Variants in ASCC3 observed in about 807,000 individuals in gnomAD.
ASCC3 encodes activating signal cointegrator 1 complex subunit 3, also known as ASC-1 complex subunit P200.
In ASCC3, 158 loss-of-function variants were observed where a neutral mutation model predicts 256.3. That is an observed-to-expected ratio of 0.62 (90% CI 0.54 to 0.70). The LOEUF (loss-of-function observed/expected upper bound fraction) is 0.70, where lower values mean the gene tolerates loss of function less well. ASCC3 is among the 30% of genes least tolerant of loss of function. ASCC3 has a pLI of 0.00. For synonymous variants in ASCC3, 948 were observed against 883.4 expected (o/e 1.07, Z -1.30); for missense variants, 2,259 against 2,626.0 (o/e 0.86, Z 3.05).
At chr6:100,664,233 T>C (rs1215065523) in intron 14 of ASCC3, among the ~76,000 whole-genome samples, 1 of 152,132 alleles carries the variant, frequency 6.6e-6, no homozygotes, top group Admixed American at 6.6e-5. Context: ...GAACAGTTTT[T>C]TCCCTACACT....
chr6:100,687,432 G>T (rs990725652), intron 13 of ASCC3, among the ~76,000 whole-genome samples: 8 of 152,034 alleles, frequency 5.3e-5, no homozygotes, highest in African/African-American at 1.9e-4. Flanking sequence ...CGTGATCTCA[G>T]CCCACTGCAA....
chr6:100,650,800 A>T lies in ASCC3; in HGVS notation c.3076-86T>A, dbSNP rs559399154. Reference sequence around the variant, plus strand: ...GAAATTAAATACATTGCATGTTTTTAAAGAGTTTCCATTTACTATAATGCA... The same window carrying T: ...GAAATTAAATACATTGCATGTTTTTTAAGAGTTTCCATTTACTATAATGCA... On this transcript the variant is annotated intron_variant, in intron 19 of 41. Coordinates refer to ENST00000369162, the MANE Select transcript of ASCC3 (RefSeq NM_006828.4). 2.0e-5 allele frequency: 22 copies of T among 1,079,806 alleles called. No individual in the cohort carries two copies. The East Asian group carries it at 5.2e-4, about 26-fold the overall frequency. 66.9% of individuals were successfully genotyped at this position (1,079,806 alleles called of 1,614,324 possible). A position where few individuals can be genotyped will look rare whatever the true frequency, so the allele number is the denominator to read the frequency against.
Position 100,798,755 on chromosome 6 carries a change from G to T in ASCC3, c.1353C>A (p.Leu451=). 1 of 1,613,056 alleles carries T rather than the reference G, an allele frequency of 6.2e-7. No individual in the cohort carries two copies. Among genetic ancestry groups the T allele is most frequent in the Non-Finnish European group, 8.5e-7 (1 of 1,179,514 alleles). ...TATAAACTGGCTTTTCCTCAAAGCT[G>T]AGTGGCATTGGTTCGCTGTAGGGAA... ...VRIPYSEPMP[L]SFEEKPVYIQ... is the part of the protein sequence containing the mutation. Residue 451 remains leucine, a synonymous_variant, in exon 8 of 42, where the codon CTC becomes CTA. Coordinates refer to ENST00000369162, the MANE Select transcript of ASCC3 (RefSeq NM_006828.4).
At chr6:100,641,442 T>C (rs1379082088) in intron 24 of ASCC3, among the ~76,000 whole-genome samples, 1 of 152,218 alleles carries the variant, frequency 6.6e-6, no homozygotes, top group Non-Finnish European at 1.5e-5. Flanking sequence ...ATTTCTCTGA[T>C]GGCCAGTGAT....
At chr6:100,857,777 C>G (rs1562348844) in intron 3 of ASCC3, 1 of 151,748 alleles carries the variant, frequency 6.6e-6, no homozygotes, top group Non-Finnish European at 1.5e-5. Context: ...AGAGTAAGTT[C>G]TCCCTTTTTA....
At chr6:100,801,969 C>T (rs144916804) in intron 5 of ASCC3, among the ~76,000 whole-genome samples, 3 of 147,560 alleles carry the variant, frequency 2.0e-5, no homozygotes, top group Non-Finnish European at 3.0e-5. Flanking sequence ...ATACTAGATG[C>T]TATGCTAAAG....
chr6:100,647,444 G>A lies in ASCC3; in HGVS notation c.3260C>T (p.Ala1087Val), dbSNP rs770519723. Residue 1087 changes from alanine to valine, a missense_variant, in exon 21 of 42, where the codon GCT (alanine) becomes GTT (valine). Ala to Val is a moderately conservative substitution (Grantham distance 64). Around this residue, in one of 2 missense-constraint regions of ASCC3, gnomAD observed 1,839 missense variants for 2,206.7 expected, o/e 0.83. Transcript: ENST00000369162. The stretch of plus-strand genomic sequence containing the variant: ...TTCAAAAAGAGCACGGACAATTCTA[G>A]CTGCATTCTAAAAAATTATAGGAGG... ...SDSAYVAQNAARIVRALFEIA... is the reference protein window; with the variant it reads ...SDSAYVAQNAVRIVRALFEIA... 1.2e-6 allele frequency: 2 copies of A among 1,613,454 alleles called. No homozygotes were observed. The highest frequency in any genetic ancestry group is 3.3e-5 in the Admixed American group (2 of 59,978).
chr6:100,810,528 C>A (rs1203219832), intron 4 of ASCC3, among the ~76,000 whole-genome samples: 1 of 152,042 alleles, frequency 6.6e-6, no homozygotes, highest in African/African-American at 2.4e-5. Context: ...AAATTTTTAA[C>A]CCTTAAATAA....
At chr6:100,754,969 T>C (rs775063169) in intron 10 of ASCC3, among the ~76,000 whole-genome samples, 19 of 152,144 alleles carry the variant, frequency 1.2e-4, no homozygotes, top group Non-Finnish European at 2.6e-4. Context: ...CTGTGAGGCC[T>C]CCACAGCCAT....
Position 100,799,428 on chromosome 6 carries a change from T to A in ASCC3, c.1269+3A>T, listed in dbSNP as rs376520680. 1.7e-5 allele frequency: 28 copies of A among 1,611,740 alleles called. No individual in the cohort carries two copies. In the African/African-American group the frequency reaches 3.6e-4, roughly 21 times the overall value. On this transcript the variant is annotated splice_donor_region_variant and intron_variant, in intron 7 of 41. Coordinates refer to ENST00000369162, the MANE Select transcript of ASCC3 (RefSeq NM_006828.4). ...GAACAGTAGTTATATAACAATGACA[T>A]ACCTTTGCACCAGCAATAAATGCTG... is the stretch of plus-strand genomic sequence containing the variant.
chr6:100,715,605 GC>G, intron 12 of ASCC3, 72 bp from the exon 13 acceptor site: 1 of 1,377,352 alleles, frequency 7.3e-7, no homozygotes, highest in Non-Finnish European at 1.0e-6. Context: ...ATAAAATTTT[GC>G]CAATTACAAT....
In ASCC3 at chr6:100,873,401, T is replaced by C. The variant is rs567243234; in HGVS notation, c.-41-5363A>G. 2.6e-5 allele frequency among the ~76,000 whole-genome samples: 4 copies of C among 152,184 alleles called. No individual in the cohort carries two copies. In the East Asian group the frequency reaches 5.8e-4, roughly 22 times the overall value. ...TATGTTAAATTACCAAACCTAAGAA[T>C]AGTCAGCGTTCCTGAGGAAGAAGAG... is the stretch of plus-strand genomic sequence containing the variant. On this transcript the variant is annotated intron_variant, in intron 1 of 41. Transcript: ENST00000369162.
At chr6:100,679,566 C>CG (rs1777186968) in intron 14 of ASCC3, 52 bp downstream of exon 14, 3 of 1,608,824 alleles carry the variant, frequency 1.9e-6, no homozygotes, top group Non-Finnish European at 2.5e-6. Flanking sequence ...ATAAAATACC[C>CG]GGGATATGTG....
chr6:100,688,738 C>T (rs1165545898), intron 13 of ASCC3, among the ~76,000 whole-genome samples: 3 of 152,134 alleles, frequency 2.0e-5, no homozygotes, highest in East Asian at 3.9e-4. Context: ...GGACATATAA[C>T]GGGCTCGCCT....
intron 1 of ASCC3, among the ~76,000 whole-genome samples, chr6:100,875,109 C>T (rs941878158): frequency 3.9e-5 from 6 of 152,068 alleles, no homozygotes; most frequent in African/African-American, 1.4e-4. Flanking sequence ...TCAAACAGGA[C>T]ACAGGCAAAC....
intron 8 of ASCC3, among the ~76,000 whole-genome samples, chr6:100,771,358 T>A (rs1300532390): frequency 6.6e-6 from 1 of 152,160 alleles, no homozygotes. Context: ...TCTTTGTGAA[T>A]GTGAGTTATG....
intron 22 of ASCC3, among the ~76,000 whole-genome samples, chr6:100,646,135 A>C (rs1211088839): frequency 6.6e-6 from 1 of 152,142 alleles, no homozygotes; most frequent in African/African-American, 2.4e-5. Flanking sequence ...AGAAAATAAA[A>C]GAAGATAGAA....
At chr6:100,767,421 T>C in intron 8 of ASCC3, 76 bp from the exon 9 acceptor site, 2 of 1,418,296 alleles carry the variant, frequency 1.4e-6, no homozygotes, top group Non-Finnish European at 2.0e-6. Context: ...GTGTTAACAT[T>C]TATTTCCTTT....
chr6:100,873,613 T>C (rs958840696), intron 1 of ASCC3, among the ~76,000 whole-genome samples: 6 of 152,148 alleles, frequency 3.9e-5, no homozygotes, highest in Non-Finnish European at 7.4e-5. Flanking sequence ...AGGAATCTTA[T>C]GAGCTGTGAG....
Sources: gnomAD v4.1 joint callset for allele counts (sites outside exome capture counted in the v4.1 genomes callset) on GRCh38, gnomAD v4.1.1 for gene constraint, gnomAD v4.1.1 regional missense constraint, MANE v1.5 for transcripts, NCBI Gene and HGNC (gene_info 2026-07-23, HGNC 2026-07-21) for gene names.